CSMD1: variants seen among roughly 807,000 people sequenced by gnomAD.
CSMD1 encodes CUB and sushi domain-containing protein 1.
In CSMD1, 213 loss-of-function variants were observed where a neutral mutation model predicts 417.5. That is an observed-to-expected ratio of 0.51 (90% CI 0.46 to 0.57). The LOEUF (loss-of-function observed/expected upper bound fraction) is 0.57, where lower values mean the gene tolerates loss of function less well. Ranked by LOEUF, CSMD1 falls within the 20% of genes least tolerant of loss-of-function variation. The pLI is 0.00. For missense variants in CSMD1, 6,923 were observed against 4,529.7 expected, an observed-to-expected ratio of 1.53 and a Z score of -15.17; for synonymous variants, 2,862 against 1,736.8, an observed-to-expected ratio of 1.65 and a Z score of -16.11.
chr8:3,399,015 T>G (rs936068487), intron 16 of CSMD1, among the ~76,000 whole-genome samples: 2 of 152,142 alleles, frequency 1.3e-5, no homozygotes, highest in Non-Finnish European at 2.9e-5. Flanking sequence ...ACAGGAGAGC[T>G]GATTTCCTCT....
At chr8:4,827,634 T>G (rs1250988595) in intron 1 of CSMD1, among the ~76,000 whole-genome samples, 1 of 152,302 alleles carries the variant, frequency 6.6e-6, no homozygotes. Flanking sequence ...TAGGTAAGTC[T>G]TTAGGAATTC....
At chr8:4,033,351 A>C (rs905401145) in intron 3 of CSMD1, among the ~76,000 whole-genome samples, 1 of 152,070 alleles carries the variant, frequency 6.6e-6, no homozygotes, top group African/African-American at 2.4e-5. Context: ...CTGAGGCAGG[A>C]GAATGGCGTG....
chr8:3,063,382 C>G (rs1812716954), intron 49 of CSMD1, among the ~76,000 whole-genome samples: 1 of 152,272 alleles, frequency 6.6e-6, no homozygotes, highest in African/African-American at 2.4e-5. Flanking sequence ...AAATTGAAAC[C>G]CTTGTGTACT....
At chr8:4,296,437 G>A (rs190653943) in intron 3 of CSMD1, among the ~76,000 whole-genome samples, 2 of 152,154 alleles carry the variant, frequency 1.3e-5, no homozygotes, top group African/African-American at 4.8e-5. Context: ...GAGATAGCAT[G>A]GCATTTGGAC....
chr8:4,354,427 C>T lies in CSMD1; in HGVS notation c.415+65526G>A, dbSNP rs917582669. Among the ~76,000 whole-genome samples, 8 of 152,202 alleles carry T rather than the reference C, an allele frequency of 5.3e-5. No homozygotes were observed. The East Asian group carries it at 1.5e-3, about 29-fold the overall frequency. On this transcript the variant is annotated intron_variant, in intron 3 of 69. Transcript: ENST00000635120. ...TCCCCAACAGAACTGAAATAGCATG[C>T]TAGGAGAGAACACCAAACATCTGCG... is the stretch of plus-strand genomic sequence containing the variant.
At chr8:4,606,967 C>T (rs1307161168) in intron 2 of CSMD1, among the ~76,000 whole-genome samples, 2 of 152,148 alleles carry the variant, frequency 1.3e-5, no homozygotes, top group African/African-American at 2.4e-5. Context: ...TTGGAAATTG[C>T]TAAGATGCAA....
intron 3 of CSMD1, among the ~76,000 whole-genome samples, chr8:4,085,825 G>T (rs1800389639): frequency 6.6e-6 from 1 of 152,192 alleles, no homozygotes; most frequent in Non-Finnish European, 1.5e-5. Context: ...CTGATAGCCA[G>T]ATAAAAGTTC....
intron 3 of CSMD1, among the ~76,000 whole-genome samples, chr8:4,312,410 T>TATATACGTAC: frequency 8.0e-6 from 1 of 124,600 alleles, no homozygotes; most frequent in African/African-American, 5.0e-5. Context: ...TATATATGCG[T>TATATACGTAC]GTATATATAT....
chr8:3,406,544 C>G (rs922561642), intron 14 of CSMD1, among the ~76,000 whole-genome samples: 1 of 152,210 alleles, frequency 6.6e-6, no homozygotes, highest in African/African-American at 2.4e-5. Context: ...CTCAAGATTT[C>G]TCTCGTTAGA....
intron 1 of CSMD1, among the ~76,000 whole-genome samples, chr8:4,825,552 G>C (rs998675848): frequency 1.3e-5 from 2 of 151,492 alleles, no homozygotes; most frequent in Admixed American, 6.6e-5. Context: ...GCTTATATGT[G>C]TGTGGCTGTC....
chr8:4,528,933 A>G (rs1361833742), intron 2 of CSMD1, among the ~76,000 whole-genome samples: 1 of 152,190 alleles, frequency 6.6e-6, no homozygotes, highest in Non-Finnish European at 1.5e-5. Context: ...GAGTCATCTA[A>G]AATACCCCAG....
At chr8:4,371,965 A>C (rs1312668826) in intron 3 of CSMD1, among the ~76,000 whole-genome samples, 1 of 152,194 alleles carries the variant, frequency 6.6e-6, no homozygotes, top group African/African-American at 2.4e-5. Context: ...ATATAAACTC[A>C]TTGCCGTGAT....
chr8:3,756,304 G>T (rs946719752), intron 5 of CSMD1, among the ~76,000 whole-genome samples: 1 of 150,664 alleles, frequency 6.6e-6, no homozygotes, highest in East Asian at 2.0e-4. Context: ...AGTGAGCTGA[G>T]ATCGCGCCAC....
At chr8:4,014,794 C>A (rs1021551939) in intron 4 of CSMD1, among the ~76,000 whole-genome samples, 1 of 152,136 alleles carries the variant, frequency 6.6e-6, no homozygotes, top group African/African-American at 2.4e-5. Context: ...TGGCACTAGA[C>A]ACATTCATCT....
At chr8:4,135,691 C>T (rs557473363) in intron 3 of CSMD1, among the ~76,000 whole-genome samples, 1 of 152,076 alleles carries the variant, frequency 6.6e-6, no homozygotes, top group Admixed American at 6.6e-5. Flanking sequence ...GCTTATTAGT[C>T]AGGATATTAT....
At chr8:3,248,852 T>C (rs776546754) in intron 26 of CSMD1, among the ~76,000 whole-genome samples, 6 of 152,238 alleles carry the variant, frequency 3.9e-5, no homozygotes, top group Middle Eastern at 3.4e-3. Flanking sequence ...TTAGGTTAAA[T>C]ACCACATTTT....
At chr8:3,766,502 T>TATA (rs1798276365) in intron 5 of CSMD1, among the ~76,000 whole-genome samples, 1 of 152,040 alleles carries the variant, frequency 6.6e-6, no homozygotes, top group African/African-American at 2.4e-5. Context: ...GGAGACACCC[T>TATA]TTGCCTCCTA....
At chr8:3,314,878 A>C (rs12156277) in intron 23 of CSMD1, among the ~76,000 whole-genome samples, 37,625 of 152,028 alleles carry the variant, frequency 0.25, 5,082 homozygotes, top group Non-Finnish European at 0.3. Context: ...TCCATTTTAT[A>C]CATTAGGCTG....
At chr8:4,813,276 T>TA (rs1235757519) in intron 1 of CSMD1, among the ~76,000 whole-genome samples, 3 of 151,954 alleles carry the variant, frequency 2.0e-5, no homozygotes, top group Non-Finnish European at 2.9e-5. Context: ...ATCTTTCTGT[T>TA]AAAAAATAAA....
Sources: allele counts gnomAD v4.1 joint callset (sites outside exome capture counted in the v4.1 genomes callset), GRCh38; gene constraint gnomAD v4.1.1; transcripts MANE v1.5; gene names NCBI Gene and HGNC (gene_info 2026-07-23, HGNC 2026-07-21).